Variants in CAMK2G observed in about 807,000 individuals in gnomAD.
CAMK2G encodes calcium/calmodulin dependent protein kinase II gamma.
A neutral mutation model predicts 88.7 loss-of-function variants in CAMK2G; 23 were observed. The observed-to-expected ratio is 0.26, with a 90% CI of 0.19 to 0.37. CAMK2G has a LOEUF of 0.37. Among genes scored for constraint, CAMK2G ranks in the 10% least tolerant of loss-of-function variants. CAMK2G has a pLI of 1.00. For synonymous variants in CAMK2G, 263 were observed against 294.8 expected (o/e 0.89, Z 1.11); for missense variants, 476 against 780.8 (o/e 0.61, Z 4.65).
At chr10:73,858,531 C>T (rs1017056334) in intron 3 of CAMK2G, among the ~76,000 whole-genome samples, 6 of 152,186 alleles carry the variant, frequency 3.9e-5, no homozygotes, top group African/African-American at 1.4e-4. Context: ...AGTCTTGACT[C>T]CCCCTTCCCT....
chr10:73,848,340 A>G lies in CAMK2G; in HGVS notation c.601+186T>C, dbSNP rs1406598891. Among the ~76,000 whole-genome samples the G allele has an allele frequency of 6.6e-6, 1 of 152,184 alleles. No homozygotes were observed. Among genetic ancestry groups the G allele is most frequent in the African/African-American group, 2.4e-5 (1 of 41,428 alleles). On this transcript the variant is annotated intron_variant, in intron 8 of 22. Coordinates refer to ENST00000423381, the MANE Select transcript of CAMK2G (RefSeq NM_001367534.1). This position sits in a 1 kb window ranked among gnomAD's most constrained non-coding sequence, Gnocchi z 4.5. ...CAAATCCCTCTCCAAGAAGGATACA[A>G]TGTCATCCCAGAAGTACGCAGGGAG...
chr10:73,874,046 G>T (rs2095976119), intron 1 of CAMK2G, among the ~76,000 whole-genome samples: 1 of 150,094 alleles, frequency 6.7e-6, no homozygotes, highest in East Asian at 2.0e-4. Context: ...CGTGGGACCT[G>T]GGTTCAGGGT....
At chr10:73,837,210 G>A (rs778567421) in intron 14 of CAMK2G, 7 of 493,208 alleles carry the variant, frequency 1.4e-5, no homozygotes, top group South Asian at 5.3e-5. Flanking sequence ...GTCAGGTTCC[G>A]GATTCAGCTC....
rs769496024 is a variant in CAMK2G at position 73,815,093 on chromosome 10, C to T, written c.1689G>A (p.Arg563=). 6.2e-7 allele frequency: 1 copy of T among 1,614,240 alleles called. No individual in the cohort carries two copies. Among genetic ancestry groups the T allele is most frequent in the East Asian group, 2.2e-5 (1 of 44,892 alleles). ...ACTTGCCATCCCGACGGTGCCAGAC[C>T]CGGGTCTCTTCTGACTGGCTGGTGC... The part of the protein sequence containing the change: ...RPRTSQSEET[R]VWHRRDGKWL... Residue 563 remains arginine (R), a synonymous_variant, in exon 22 of 23, where the codon CGG becomes CGA. Transcript: ENST00000423381.
At chr10:73,832,399 C>T (rs984510106) in intron 14 of CAMK2G, among the ~76,000 whole-genome samples, 15 of 152,058 alleles carry the variant, frequency 9.9e-5, no homozygotes, top group African/African-American at 3.6e-4. Flanking sequence ...CTCCGACTCC[C>T]TAGTTCAAAC....
chr10:73,841,305 T>A (rs1467933480), intron 12 of CAMK2G, among the ~76,000 whole-genome samples: 1 of 151,524 alleles, frequency 6.6e-6, no homozygotes, highest in Non-Finnish European at 1.5e-5. Flanking sequence ...AGTCTTATTA[T>A]GGGAAGGAGA....
chr10:73,826,405 C>G (rs2090961646), intron 15 of CAMK2G, among the ~76,000 whole-genome samples: 1 of 152,146 alleles, frequency 6.6e-6, no homozygotes, highest in African/African-American at 2.4e-5. Context: ...TGCACTCCAG[C>G]CTGGGCAACA....
chr10:73,849,531 C>A (rs893804613), intron 5 of CAMK2G, among the ~76,000 whole-genome samples, 198 bp from the exon 6 acceptor site: 1 of 152,200 alleles, frequency 6.6e-6, no homozygotes, highest in African/African-American at 2.4e-5. Flanking sequence ...GAGGCCCAGG[C>A]AGATGCAATG....
chr10:73,861,480 C>T (rs372617122), intron 2 of CAMK2G, among the ~76,000 whole-genome samples: 4 of 152,152 alleles, frequency 2.6e-5, no homozygotes, highest in African/African-American at 4.8e-5. Context: ...CTCAGCCTCC[C>T]GAGTAGCTGG....
intron 17 of CAMK2G, among the ~76,000 whole-genome samples, chr10:73,822,832 C>T (rs760844551): frequency 3.3e-5 from 5 of 152,074 alleles, no homozygotes; most frequent in Non-Finnish European, 7.4e-5. Flanking sequence ...AATTCAAGGC[C>T]CTGTTCTCTC....
chr10:73,843,923 A>C (rs2094017165), intron 10 of CAMK2G, among the ~76,000 whole-genome samples: 1 of 152,172 alleles, frequency 6.6e-6, no homozygotes, highest in African/African-American at 2.4e-5. Context: ...TAGAAGTCTC[A>C]GGGGGATCAT....
At chr10:73,866,588 C>T (rs1227889460) in intron 2 of CAMK2G, among the ~76,000 whole-genome samples, 3 of 152,214 alleles carry the variant, frequency 2.0e-5, no homozygotes, top group Non-Finnish European at 2.9e-5. Context: ...CTCCCAAGTT[C>T]CAATCTCAAA....
chr10:73,845,296 A>C (rs566373785), intron 10 of CAMK2G, among the ~76,000 whole-genome samples: 2 of 152,186 alleles, frequency 1.3e-5, no homozygotes, highest in Admixed American at 6.5e-5. Flanking sequence ...GAAAACCATC[A>C]TCTTGGCCGG....
At chr10:73,845,942 CA>C (rs2094209063) in intron 10 of CAMK2G, among the ~76,000 whole-genome samples, 1 of 148,350 alleles carries the variant, frequency 6.7e-6, no homozygotes, top group South Asian at 2.1e-4. Flanking sequence ...GGGGTCTGAC[CA>C]TCTTTCCCAG....
chr10:73,815,320 C>A lies in CAMK2G; in HGVS notation c.1535-73G>T, dbSNP rs1056686712. On this transcript the variant is annotated intron_variant, in intron 21 of 22. Coordinates refer to ENST00000423381, the MANE Select transcript of CAMK2G (RefSeq NM_001367534.1). Reference sequence around the variant, plus strand: ...TGCATTTTCCTCCCAGCCTGCACTTCCAAGTCTTACCATCTCCCAAGCAAC... The same window carrying A: ...TGCATTTTCCTCCCAGCCTGCACTTACAAGTCTTACCATCTCCCAAGCAAC... 3 of 961,410 alleles carry A rather than the reference C, an allele frequency of 3.1e-6. No homozygotes were observed. The African/African-American group carries it at 4.8e-5, about 15-fold the overall frequency. The allele number at this position is 961,410 out of a possible 1,614,324, so 59.6% of individuals were successfully genotyped here.
intron 9 of CAMK2G, 57 bp downstream of exon 9, chr10:73,847,931 C>T (rs553718917): frequency 6.0e-5 from 54 of 902,586 alleles, no homozygotes; most frequent in East Asian, 3.2e-4. Context: ...GGACAGAGCC[C>T]GAGGAGCAAG....
chr10:73,836,592 G>A (rs1404321979), intron 14 of CAMK2G, among the ~76,000 whole-genome samples: 1 of 151,836 alleles, frequency 6.6e-6, no homozygotes, highest in Admixed American at 6.6e-5. Flanking sequence ...AGGAGGGAGT[G>A]GGGAGGGAAC....
At chr10:73,871,248 T>A (rs184844362) in intron 2 of CAMK2G, among the ~76,000 whole-genome samples, 1 of 151,316 alleles carries the variant, frequency 6.6e-6, no homozygotes, top group African/African-American at 2.4e-5. Context: ...TGGGACAAGG[T>A]TAAAAGGAGG....
intron 14 of CAMK2G, among the ~76,000 whole-genome samples, chr10:73,833,959 C>T (rs2092883621): frequency 7.8e-6 from 1 of 128,172 alleles, no homozygotes. Context: ...TGCTCTGTCA[C>T]CCAGGATGGA....
Sources: gnomAD v4.1 joint callset for allele counts (sites outside exome capture counted in the v4.1 genomes callset) on GRCh38, gnomAD v4.1.1 for gene constraint, Gnocchi (gnomAD v3.1) non-coding constraint, MANE v1.5 for transcripts, NCBI Gene and HGNC (gene_info 2026-07-23, HGNC 2026-07-21) for gene names.